AATF: variants seen among roughly 807,000 people sequenced by gnomAD.
AATF encodes the protein apoptosis antagonizing transcription factor.
AATF carries 48 observed loss-of-function variants against 63.7 expected under a neutral mutation model. The observed-to-expected ratio is 0.75, with a 90% CI of 0.60 to 0.96. The LOEUF is 0.96. AATF is among the 40% of genes least tolerant of loss of function. AATF has a pLI of 0.00. For missense variants in AATF, 639 were observed against 685.7 expected, an observed-to-expected ratio of 0.93 and a Z score of 0.76; for synonymous variants, 258 against 247.7, an observed-to-expected ratio of 1.04 and a Z score of -0.39.
At chr17:36,973,116 CTTCT>C (rs1477109693) in intron 4 of AATF, among the ~76,000 whole-genome samples, 6 of 140,772 alleles carry the variant, frequency 4.3e-5, no homozygotes, top group Non-Finnish European at 9.0e-5. Context: ...TTTTTCTTTT[CTTCT>C]TTCTTTCTTT....
chr17:37,006,693 G>A (rs1194271127), intron 8 of AATF, among the ~76,000 whole-genome samples: 2 of 152,140 alleles, frequency 1.3e-5, no homozygotes, highest in Non-Finnish European at 2.9e-5. Context: ...GAAATATATG[G>A]GGTCTGATGA....
At chr17:36,967,584 G>T (rs75539185) in intron 4 of AATF, among the ~76,000 whole-genome samples, 1 of 152,178 alleles carries the variant, frequency 6.6e-6, no homozygotes, top group East Asian at 1.9e-4. Context: ...TGCCTTCACC[G>T]TCATCCTGGG....
intron 8 of AATF, among the ~76,000 whole-genome samples, chr17:37,010,436 C>T (rs754623251): frequency 1.3e-5 from 2 of 152,104 alleles, no homozygotes; most frequent in Admixed American, 6.6e-5. Flanking sequence ...CCAGCCTGGG[C>T]GACAGAGCGA....
At position 37,019,074 on chromosome 17, in the gene AATF, T is replaced by G. The variant is rs2071449926; in HGVS notation, c.1466+2T>G. 6.2e-7 allele frequency: 1 copy of G among 1,613,584 alleles called. No homozygotes were observed. Among genetic ancestry groups the G allele is most frequent in the Non-Finnish European group, 8.5e-7 (1 of 1,179,504 alleles). On this transcript the variant is annotated splice_donor_variant, in intron 9 of 11. Transcript: ENST00000619387. LOFTEE classifies it high-confidence loss of function. ...CAACGATCAGGTGGCCATGGGAAGG[T>G]AATTTAGATACAGCTTTCTGTTCAT... is the stretch of plus-strand genomic sequence containing the variant.
intron 4 of AATF, among the ~76,000 whole-genome samples, chr17:36,954,461 C>T (rs1017252194): frequency 7.2e-5 from 11 of 152,168 alleles, no homozygotes; most frequent in Non-Finnish European, 1.5e-4. Flanking sequence ...ATGTCTAATT[C>T]AGCTCATTAA....
intron 4 of AATF, among the ~76,000 whole-genome samples, chr17:36,969,590 ACC>A (rs1479938734): frequency 2.6e-5 from 4 of 152,048 alleles, no homozygotes; most frequent in South Asian, 2.1e-4. Flanking sequence ...CATTGCTAGC[ACC>A]CCAGTCATCT....
In AATF at chr17:36,988,693, CA is replaced by C. The variant is rs2071189080; in HGVS notation, c.1125del (p.Lys375AsnfsTer19). ...RTLQKWHDKT[K>X]LASGKLGKGF... Reference sequence around the variant, plus strand: ...CACTTCAGAAATGGCACGATAAGACCAAACTGGCTTCTGGAAAACTGGGGAA... The same window carrying C: ...CACTTCAGAAATGGCACGATAAGACCAACTGGCTTCTGGAAAACTGGGGAA... On this transcript the variant is annotated frameshift_variant, in exon 6 of 12. Coordinates refer to ENST00000619387, the MANE Select transcript of AATF (RefSeq NM_012138.4). LOFTEE classifies it high-confidence loss of function. The C allele has an allele frequency of 6.2e-7, 1 of 1,613,814 alleles. No individual in the cohort carries two copies. Among genetic ancestry groups the C allele is most frequent in the Non-Finnish European group, 8.5e-7 (1 of 1,179,934 alleles).
chr17:36,953,749 A>G, intron 3 of AATF, 21 bp from the exon 4 acceptor site: 1 of 1,604,008 alleles, frequency 6.2e-7, no homozygotes, highest in Non-Finnish European at 8.5e-7. Context: ...GAGGAATGGG[A>G]TTCTCTTTTC....
At position 37,056,782 on chromosome 17, in the gene AATF, C is replaced by T. The variant is rs1471575107; in HGVS notation, c.*118C>T. 13 of 1,120,390 alleles carry T rather than the reference C, an allele frequency of 1.2e-5. No individual in the cohort carries two copies. The highest frequency in any genetic ancestry group is 2.2e-5 in the Admixed American group (1 of 44,920). The allele number at this position is 1,120,390 out of a possible 1,614,324, so 69.4% of individuals were successfully genotyped here. ...TAGGGAAGCCCCTGGAAAGATGCTG[C>T]GTTCCGAACCTGTGCCTAATACACG... On this transcript the variant is annotated 3_prime_UTR_variant, in exon 12 of 12. Coordinates refer to ENST00000619387, the MANE Select transcript of AATF (RefSeq NM_012138.4).
intron 10 of AATF, among the ~76,000 whole-genome samples, chr17:37,028,853 G>A (rs1292090426): frequency 6.6e-6 from 1 of 152,030 alleles, no homozygotes; most frequent in African/African-American, 2.4e-5. Context: ...TGAAAATAGG[G>A]TACTTCTGTT....
At chr17:36,973,974 C>CA (rs1331646008) in intron 4 of AATF, among the ~76,000 whole-genome samples, 1 of 151,388 alleles carries the variant, frequency 6.6e-6, no homozygotes, top group African/African-American at 2.4e-5. Context: ...GAGGCTGAGG[C>CA]AGAAGAATCG....
chr17:36,987,355 T>C (rs2071177578), intron 5 of AATF, among the ~76,000 whole-genome samples: 1 of 152,108 alleles, frequency 6.6e-6, no homozygotes, highest in African/African-American at 2.4e-5. Context: ...GCCCATACCA[T>C]ATATTGGAAT....
At chr17:36,969,005 C>T (rs1427833263) in intron 4 of AATF, among the ~76,000 whole-genome samples, 3 of 151,908 alleles carry the variant, frequency 2.0e-5, no homozygotes, top group African/African-American at 4.8e-5. Flanking sequence ...TTTTTGCTTT[C>T]GCTTTAACTC....
At chr17:37,009,696 A>G (rs531757982) in intron 8 of AATF, among the ~76,000 whole-genome samples, 89 of 150,808 alleles carry the variant, frequency 5.9e-4, no homozygotes, top group Middle Eastern at 3.4e-3. Flanking sequence ...GGGCGCCTGT[A>G]GTCCCAGCTA....
chr17:36,955,377 TG>T (rs1008516915), intron 4 of AATF, among the ~76,000 whole-genome samples: 2 of 152,212 alleles, frequency 1.3e-5, no homozygotes, highest in African/African-American at 4.8e-5. Context: ...TCTTCCCCTG[TG>T]GGAAGTCTGG....
chr17:36,969,534 T>G (rs1024647798), intron 4 of AATF, among the ~76,000 whole-genome samples: 1 of 152,246 alleles, frequency 6.6e-6, no homozygotes, highest in East Asian at 1.9e-4. Context: ...TCCTGAGTCC[T>G]CTGCATTCTG....
At chr17:36,979,724 G>C (rs1367582877) in intron 4 of AATF, among the ~76,000 whole-genome samples, 1 of 152,020 alleles carries the variant, frequency 6.6e-6, no homozygotes, top group Non-Finnish European at 1.5e-5. Flanking sequence ...TCCTGTTCTC[G>C]CTTCACGCCA....
chr17:36,962,026 C>T (rs2070951569), intron 4 of AATF, among the ~76,000 whole-genome samples: 1 of 151,964 alleles, frequency 6.6e-6, no homozygotes, highest in Non-Finnish European at 1.5e-5. Flanking sequence ...CTAACTAGCC[C>T]CTGGAAGAAT....
At chr17:37,021,260 GAGAAAAAATA>G (rs1184584602) in intron 10 of AATF, 3 of 384,508 alleles carry the variant, frequency 7.8e-6, no homozygotes, top group African/African-American at 6.2e-5. Flanking sequence ...TCCCTTGAAA[GAGAAAAAATA>G]AGAAAACAAA....
Sources: gnomAD v4.1 joint callset for allele counts (sites outside exome capture counted in the v4.1 genomes callset) on GRCh38, gnomAD v4.1.1 for gene constraint, MANE v1.5 for transcripts, NCBI Gene and HGNC (gene_info 2026-07-23, HGNC 2026-07-21) for gene names.